GALNT13: variants seen among roughly 807,000 people sequenced by gnomAD.
GALNT13 encodes the protein UDP-GalNAc:polypeptide N-acetylgalactosaminyltransferase 13.
A neutral mutation model predicts 64.2 loss-of-function variants in GALNT13; 28 were observed. The observed-to-expected ratio is 0.44, with a 90% CI of 0.32 to 0.60. The LOEUF (loss-of-function observed/expected upper bound fraction) is 0.60. Ranked by LOEUF, GALNT13 falls within the 20% of genes least tolerant of loss-of-function variation. GALNT13 has a pLI of 0.05. For missense variants in GALNT13, 577 were observed against 669.8 expected, an observed-to-expected ratio of 0.86 and a Z score of 1.53; for synonymous variants, 214 against 224.6, an observed-to-expected ratio of 0.95 and a Z score of 0.42.
the GALNT13 span, among the ~76,000 whole-genome samples, chr2:153,260,047 T>G: frequency 4.5e-4 from 68 of 152,126 alleles, no homozygotes; most frequent in Middle Eastern, 6.8e-3. Flanking sequence ...CAATAACAAC[T>G]TAACACTATT....
Position 154,155,310 on chromosome 2 carries a change from A to AT in GALNT13, c.311+14812dup, listed in dbSNP as rs973585894. ...GTCAGTCTTTGTGGTTAAAATGTGT[A>AT]TTTTTTTATTCGTCTCATGGAAGAA... On this transcript the variant is annotated intron_variant, in intron 4 of 12. Transcript: ENST00000392825. 3.3e-5 allele frequency among the ~76,000 whole-genome samples: 5 copies of AT among 152,112 alleles called. No homozygotes were observed. In the South Asian group the frequency reaches 1.0e-3, roughly 32 times the overall value.
At chr2:153,476,820 G>T in the GALNT13 span, among the ~76,000 whole-genome samples, 1 of 152,140 alleles carries the variant, frequency 6.6e-6, no homozygotes, top group Non-Finnish European at 1.5e-5. Context: ...CGTCACTAAC[G>T]TCACTGTGTA....
At chr2:153,187,018 A>G in the GALNT13 span, among the ~76,000 whole-genome samples, 1 of 152,226 alleles carries the variant, frequency 6.6e-6, no homozygotes, top group Non-Finnish European at 1.5e-5. Flanking sequence ...CATTTCCAAG[A>G]TTGCCATAAG....
rs755590302 is a variant in GALNT13, at chr2:154,242,903, C to T, written c.684C>T (p.Asp228=). The T allele has an allele frequency of 6.2e-7, 1 of 1,613,254 alleles. No homozygotes were observed. ...CTTTGCTGGCAAGAATAAAGGAAGA[C>T]AGGTAAGAATTTATGTGTTCTGTCT... ...LEPLLARIKE[D]RKTVVCPIID... The change falls in exon 6 of 13, where the codon GAC becomes GAT. Residue 228 remains aspartate (D), a splice_region_variant and synonymous_variant. Transcript: ENST00000392825.
At chr2:153,210,136 T>G in the GALNT13 span, among the ~76,000 whole-genome samples, 1 of 152,126 alleles carries the variant, frequency 6.6e-6, no homozygotes, top group Non-Finnish European at 1.5e-5. Context: ...AGAGACAGTT[T>G]TCTTTCTTCC....
intron 6 of GALNT13, among the ~76,000 whole-genome samples, chr2:154,243,820 T>A (rs926755815): frequency 2.0e-5 from 3 of 152,210 alleles, no homozygotes; most frequent in Non-Finnish European, 4.4e-5. Context: ...ACATTTTTAA[T>A]TAGACACTCA....
At chr2:153,867,502 A>G (rs1021183887), upstream of GALNT13, among the ~76,000 whole-genome samples, 3 of 151,848 alleles carry the variant, frequency 2.0e-5, no homozygotes, top group Non-Finnish European at 4.4e-5. Flanking sequence ...GCCCTCCCCA[A>G]CATTTTTGGC....
chr2:153,410,356 A>G, the GALNT13 span, among the ~76,000 whole-genome samples: 3 of 152,156 alleles, frequency 2.0e-5, no homozygotes, highest in Non-Finnish European at 4.4e-5. Flanking sequence ...TGTGCTTCCC[A>G]AAATGCTGAG....
chr2:154,386,142 C>G (rs1698503727), intron 9 of GALNT13, among the ~76,000 whole-genome samples: 1 of 151,876 alleles, frequency 6.6e-6, no homozygotes, highest in South Asian at 2.1e-4. Context: ...CACAGAAATT[C>G]AATCACCAAG....
chr2:153,295,346 G>T, the GALNT13 span, among the ~76,000 whole-genome samples: 1 of 152,008 alleles, frequency 6.6e-6, no homozygotes, highest in Non-Finnish European at 1.5e-5. Context: ...AATAACCTTG[G>T]GGATGATGCC....
the GALNT13 span, among the ~76,000 whole-genome samples, chr2:153,266,276 A>G: frequency 2.0e-5 from 3 of 152,206 alleles, no homozygotes; most frequent in African/African-American, 7.2e-5. Flanking sequence ...GAAATTCTCA[A>G]CTGGAATATT....
chr2:153,964,436 A>C (rs1049836658), intron 3 of GALNT13, among the ~76,000 whole-genome samples: 2 of 152,154 alleles, frequency 1.3e-5, no homozygotes, highest in African/African-American at 4.8e-5. Context: ...GCTACAGAGC[A>C]AGACTCTGTC....
the GALNT13 span, among the ~76,000 whole-genome samples, chr2:153,460,437 C>T: frequency 3.3e-5 from 5 of 152,020 alleles, no homozygotes; most frequent in South Asian, 4.1e-4. Context: ...TATTTACCCA[C>T]GATTAGACCT....
the GALNT13 span, among the ~76,000 whole-genome samples, chr2:153,398,178 T>C: frequency 6.6e-6 from 1 of 151,308 alleles, no homozygotes; most frequent in African/African-American, 2.4e-5. Flanking sequence ...CGGTGTCTGG[T>C]TTTTTGTTCT....
At chr2:153,221,650 T>C in the GALNT13 span, among the ~76,000 whole-genome samples, 1 of 152,166 alleles carries the variant, frequency 6.6e-6, no homozygotes, top group South Asian at 2.1e-4. Context: ...ACTACTGGCC[T>C]GGATCCCCCG....
the GALNT13 span, among the ~76,000 whole-genome samples, chr2:153,693,966 G>A: frequency 6.6e-6 from 1 of 151,984 alleles, no homozygotes; most frequent in Non-Finnish European, 1.5e-5. Context: ...AAATTAGCCG[G>A]GCGTGGTGGC....
the GALNT13 span, among the ~76,000 whole-genome samples, chr2:153,579,000 C>T: frequency 1.3e-5 from 2 of 152,178 alleles, no homozygotes; most frequent in African/African-American, 4.8e-5. Context: ...GCATTCTAGG[C>T]AATTCCCAGT....
chr2:154,372,374 G>A (rs1247333419), intron 9 of GALNT13, among the ~76,000 whole-genome samples: 4 of 152,038 alleles, frequency 2.6e-5, no homozygotes, highest in African/African-American at 4.8e-5. Flanking sequence ...TTGTGCGGCT[G>A]CAAATTTTTC....
At chr2:153,169,090 G>T in the GALNT13 span, among the ~76,000 whole-genome samples, 1 of 152,056 alleles carries the variant, frequency 6.6e-6, no homozygotes, top group East Asian at 1.9e-4. Context: ...TGCTTCCTTT[G>T]TATCAGGAAA....
Sources: allele counts gnomAD v4.1 joint callset (sites outside exome capture counted in the v4.1 genomes callset), GRCh38; gene constraint gnomAD v4.1.1; transcripts MANE v1.5; gene names NCBI Gene and HGNC (gene_info 2026-07-23, HGNC 2026-07-21).